Variants in EXOC4 observed in about 807,000 individuals in gnomAD.
EXOC4 encodes SEC8-like 1.
Under a neutral mutation model 107.2 loss-of-function variants are expected in EXOC4, and 71 were observed. The observed-to-expected ratio is 0.66, with a 90% CI of 0.55 to 0.81. EXOC4 has a LOEUF of 0.81. Ranked by LOEUF, EXOC4 falls within the 30% of genes least tolerant of loss-of-function variation. The pLI is 0.00. For missense variants in EXOC4, 1,108 were observed against 1,189.6 expected (o/e 0.93, Z 1.01); for synonymous variants, 456 against 441.2 (o/e 1.03, Z -0.42).
At chr7:133,520,376 C>A (rs1584974259) in intron 9 of EXOC4, among the ~76,000 whole-genome samples, 2 of 152,008 alleles carry the variant, frequency 1.3e-5, no homozygotes, top group African/African-American at 4.8e-5. Flanking sequence ...AAGTCTAGTC[C>A]AGAAGGCATT....
chr7:133,924,477 C>G (rs950417898), intron 13 of EXOC4, among the ~76,000 whole-genome samples: 5 of 152,162 alleles, frequency 3.3e-5, no homozygotes, highest in Non-Finnish European at 7.3e-5. Flanking sequence ...AATTTTTACC[C>G]TTCATGCTTC....
intron 5 of EXOC4, among the ~76,000 whole-genome samples, chr7:133,318,818 G>C (rs942235696): frequency 6.6e-6 from 1 of 152,058 alleles, no homozygotes; most frequent in African/African-American, 2.4e-5. Flanking sequence ...ATTTTCCTTT[G>C]TTTAATTAGT....
At chr7:133,840,397 A>G (rs914738972) in intron 11 of EXOC4, among the ~76,000 whole-genome samples, 3 of 152,236 alleles carry the variant, frequency 2.0e-5, no homozygotes, top group African/African-American at 4.8e-5. Context: ...ACAAAAATCT[A>G]TTACAAAGGT....
chr7:133,630,066 T>C lies in EXOC4; in HGVS notation c.1439T>C (p.Ile480Thr). ...ELQGGPDDNL[I>T]EGGGTKFVCK... ...AAAGGGGGTCCTGATGACAACTTAATTGAAGGTGGAGGAACAAAATTTGTC... is the reference window on the plus strand; with the variant it reads ...AAAGGGGGTCCTGATGACAACTTAACTGAAGGTGGAGGAACAAAATTTGTC... The change falls in exon 10 of 18, where the codon ATT becomes ACT. Residue 480 changes from isoleucine to threonine, a missense_variant. By Grantham distance (89) the Ile-to-Thr change is moderately conservative. Coordinates refer to ENST00000253861, the MANE Select transcript of EXOC4 (RefSeq NM_021807.4). 2 of 1,613,852 alleles carry C rather than the reference T, an allele frequency of 1.2e-6. No homozygotes were observed. Among genetic ancestry groups the C allele is most frequent in the Non-Finnish European group, 8.5e-7 (1 of 1,179,806 alleles).
intron 5 of EXOC4, among the ~76,000 whole-genome samples, chr7:133,321,935 A>G (rs1270516175): frequency 6.6e-6 from 1 of 152,204 alleles, no homozygotes; most frequent in Non-Finnish European, 1.5e-5. Context: ...GTGAGATGGT[A>G]TCTCATTGTG....
chr7:133,438,540 T>A (rs9649045), intron 7 of EXOC4, among the ~76,000 whole-genome samples: 1 of 152,006 alleles, frequency 6.6e-6, no homozygotes, highest in Non-Finnish European at 1.5e-5. Flanking sequence ...ATGAGAATCG[T>A]CTGGAATGCT....
At chr7:133,980,530 T>G (rs1793956556) in intron 14 of EXOC4, among the ~76,000 whole-genome samples, 1 of 152,246 alleles carries the variant, frequency 6.6e-6, no homozygotes, top group African/African-American at 2.4e-5. Flanking sequence ...ATAATGTAAC[T>G]ACTACTTTCT....
intron 10 of EXOC4, among the ~76,000 whole-genome samples, chr7:133,758,566 T>C (rs1795966230): frequency 1.3e-5 from 2 of 152,252 alleles, no homozygotes; most frequent in Admixed American, 1.3e-4. Flanking sequence ...GAGAAGCAGA[T>C]ATACAAATCA....
At chr7:133,302,993 A>G (rs1342134392) in intron 3 of EXOC4, among the ~76,000 whole-genome samples, 1 of 152,162 alleles carries the variant, frequency 6.6e-6, no homozygotes, top group Non-Finnish European at 1.5e-5. Context: ...TTTCTAGTAA[A>G]TCTCAAATCT....
At chr7:133,996,317 A>T (rs544808250) in intron 14 of EXOC4, among the ~76,000 whole-genome samples, 37 of 152,318 alleles carry the variant, frequency 2.4e-4, no homozygotes, top group Non-Finnish European at 5.1e-4. Context: ...ACATAAAGTA[A>T]ATGTTGGAGC....
intron 9 of EXOC4, among the ~76,000 whole-genome samples, chr7:133,541,542 CA>C (rs1366693101): frequency 6.6e-6 from 1 of 152,080 alleles, no homozygotes; most frequent in Non-Finnish European, 1.5e-5. Flanking sequence ...CTTTGTTGCC[CA>C]GGCTGGAGTA....
At chr7:133,527,700 A>G (rs1048143726) in intron 9 of EXOC4, among the ~76,000 whole-genome samples, 1 of 152,220 alleles carries the variant, frequency 6.6e-6, no homozygotes, top group Non-Finnish European at 1.5e-5. Context: ...TGATGCATAG[A>G]AAATGTGAAT....
chr7:133,335,080 T>A (rs1795480770), intron 5 of EXOC4, among the ~76,000 whole-genome samples: 1 of 152,222 alleles, frequency 6.6e-6, no homozygotes, highest in African/African-American at 2.4e-5. Flanking sequence ...GTGGAATAAA[T>A]AACATGCACG....
intron 17 of EXOC4, among the ~76,000 whole-genome samples, chr7:134,052,552 T>C (rs574875508): frequency 3.6e-4 from 54 of 152,024 alleles, no homozygotes; most frequent in African/African-American, 1.2e-3. Context: ...AGAGATAATA[T>C]ATACATGAAC....
intron 9 of EXOC4, among the ~76,000 whole-genome samples, chr7:133,489,486 CT>C (rs1478643318): frequency 6.6e-6 from 1 of 152,186 alleles, no homozygotes; most frequent in African/African-American, 2.4e-5. Context: ...TGTGCCAAAG[CT>C]GTGAACTACC....
intron 5 of EXOC4, among the ~76,000 whole-genome samples, chr7:133,344,793 T>G (rs541797874): frequency 6.6e-6 from 1 of 152,340 alleles, no homozygotes; most frequent in South Asian, 2.1e-4. Context: ...TAGATCAACC[T>G]TAAGTTCATC....
chr7:133,847,212 G>C (rs965637150), intron 11 of EXOC4, among the ~76,000 whole-genome samples: 1 of 151,998 alleles, frequency 6.6e-6, no homozygotes, highest in East Asian at 1.9e-4. Context: ...GTTAACCATA[G>C]TCACCCTACT....
intron 10 of EXOC4, among the ~76,000 whole-genome samples, chr7:133,673,547 C>T (rs762189629): frequency 6.6e-6 from 1 of 152,190 alleles, no homozygotes; most frequent in African/African-American, 2.4e-5. Context: ...TCTTGAAGTA[C>T]TCTAACATGT....
chr7:133,304,562 G>A (rs1036744906), intron 3 of EXOC4, among the ~76,000 whole-genome samples: 1 of 152,126 alleles, frequency 6.6e-6, no homozygotes, highest in Admixed American at 6.5e-5. Flanking sequence ...TGTGGTTGTG[G>A]ATAAGCCATC....
Sources: gnomAD v4.1 joint callset for allele counts (sites outside exome capture counted in the v4.1 genomes callset) on GRCh38, gnomAD v4.1.1 for gene constraint, MANE v1.5 for transcripts, NCBI Gene and HGNC (gene_info 2026-07-23, HGNC 2026-07-21) for gene names.